NDUFA12: variants seen among roughly 807,000 people sequenced by gnomAD.
The protein encoded by NDUFA12 is NADH dehydrogenase [ubiquinone] 1 alpha subcomplex subunit 12.
Under a neutral mutation model 20.3 loss-of-function variants are expected in NDUFA12, and 17 were observed. The ratio of observed to expected loss-of-function variants is 0.84; its 90% CI spans 0.57 to 1.26. NDUFA12 has a LOEUF of 1.26. Among genes scored for constraint, NDUFA12 ranks in the 50% most tolerant of loss-of-function variants. The probability of loss-of-function intolerance (pLI) is 0.00; values close to 1 mark genes in which losing one functional copy is unlikely to be tolerated. For missense variants in NDUFA12, 191 were observed against 183.7 expected (o/e 1.04, Z -0.23); for synonymous variants, 72 against 63.6 (o/e 1.13, Z -0.63).
chr12:94,990,271 GA>G (rs67946703), intron 3 of NDUFA12, among the ~76,000 whole-genome samples: 50,188 of 146,114 alleles, frequency 0.34, 8,605 homozygotes, highest in East Asian at 0.4. Context: ...ATAGAATGTG[GA>G]AAAAAAAAAA....
At chr12:94,975,385 C>T (rs1874034582) in intron 3 of NDUFA12, among the ~76,000 whole-genome samples, 1 of 152,124 alleles carries the variant, frequency 6.6e-6, no homozygotes, top group African/African-American at 2.4e-5. Flanking sequence ...AGGCAATGCA[C>T]ATTAAGGTAT....
At chr12:94,998,214 A>C (rs769903090) in intron 2 of NDUFA12, among the ~76,000 whole-genome samples, 1 of 152,228 alleles carries the variant, frequency 6.6e-6, no homozygotes, top group Non-Finnish European at 1.5e-5. Context: ...ACATAAATAG[A>C]ATTAAAAATA....
chr12:94,972,736 T>C (rs557191228), intron 3 of NDUFA12, among the ~76,000 whole-genome samples: 199 of 152,226 alleles, frequency 1.3e-3, no homozygotes, highest in African/African-American at 4.7e-3. Flanking sequence ...CACAAATATT[T>C]CAGTCATAAG....
chr12:94,980,673 A>C (rs76835653), intron 3 of NDUFA12, among the ~76,000 whole-genome samples: 11,032 of 152,234 alleles, frequency 0.072, 469 homozygotes, highest in Middle Eastern at 0.18. Context: ...TTTTAATAAG[A>C]AAAATCAATG....
At chr12:94,974,362 T>C (rs1873994395) in intron 3 of NDUFA12, among the ~76,000 whole-genome samples, 1 of 152,106 alleles carries the variant, frequency 6.6e-6, no homozygotes, top group South Asian at 2.1e-4. Flanking sequence ...GCTGGGAGGA[T>C]ACGGAGAAAA....
At chr12:94,980,693 A>C (rs555436551) in intron 3 of NDUFA12, among the ~76,000 whole-genome samples, 11 of 152,276 alleles carry the variant, frequency 7.2e-5, no homozygotes, top group South Asian at 2.1e-4. Context: ...GTACGAGGAG[A>C]GACTGGTGTA....
rs531663218 is a variant in NDUFA12, at chr12:94,984,488, C to T, written c.257+9682G>A. 6.2e-3 allele frequency among the ~76,000 whole-genome samples: 944 copies of T among 151,834 alleles called. 11 individuals are homozygous for T. Among genetic ancestry groups the T allele is most frequent in the African/African-American group, 0.022 (902 of 41,360 alleles). The stretch of plus-strand genomic sequence containing the variant: ...AGGTTGCGGTTGAGCTGAGATTGCG[C>T]CATTGCACTCCAGCCTGGGCAGTAA... On this transcript the variant is annotated intron_variant, in intron 3 of 3. Transcript: ENST00000327772.
intron 3 of NDUFA12, among the ~76,000 whole-genome samples, chr12:94,975,041 C>G (rs1406839579): frequency 6.6e-6 from 1 of 152,086 alleles, no homozygotes; most frequent in Non-Finnish European, 1.5e-5. Flanking sequence ...ACACAAAGGA[C>G]AAATGCTTGA....
chr12:95,001,230 CAGG>C (rs1422387291), intron 2 of NDUFA12, among the ~76,000 whole-genome samples: 1 of 152,114 alleles, frequency 6.6e-6, no homozygotes, highest in Non-Finnish European at 1.5e-5. Context: ...GGCTAGAACC[CAGG>C]AGGTCACGGC....
chr12:94,977,457 C>T (rs1360602839), intron 3 of NDUFA12, among the ~76,000 whole-genome samples: 4 of 135,448 alleles, frequency 3.0e-5, no homozygotes, highest in Non-Finnish European at 6.2e-5. Context: ...GGTGACAGAG[C>T]AAGACCTTGT....
chr12:94,975,186 G>A (rs1874028119), intron 3 of NDUFA12, among the ~76,000 whole-genome samples: 1 of 152,066 alleles, frequency 6.6e-6, no homozygotes, highest in African/African-American at 2.4e-5. Flanking sequence ...AAAAGTGTAT[G>A]TCCTAAAACA....
At chr12:94,979,027 G>A (rs757710163) in intron 3 of NDUFA12, among the ~76,000 whole-genome samples, 4 of 152,128 alleles carry the variant, frequency 2.6e-5, no homozygotes, top group Non-Finnish European at 5.9e-5. Context: ...ATAATAATAA[G>A]CTTTCTTCTA....
chr12:94,988,365 A>T (rs764807290), intron 3 of NDUFA12, among the ~76,000 whole-genome samples: 3 of 152,200 alleles, frequency 2.0e-5, no homozygotes, highest in Admixed American at 6.5e-5. Context: ...TTCAGGAGTG[A>T]TGGGGCATCA....
chr12:94,994,557 C>T (rs1427547313), intron 2 of NDUFA12, among the ~76,000 whole-genome samples: 1 of 152,172 alleles, frequency 6.6e-6, no homozygotes, highest in African/African-American at 2.4e-5. Flanking sequence ...GAGGGAGTAG[C>T]AGACAGGATA....
At chr12:94,971,801 G>A (rs752749584) in intron 3 of NDUFA12, 181 bp from the exon 4 acceptor site, 3 of 785,656 alleles carry the variant, frequency 3.8e-6, no homozygotes, top group African/African-American at 1.7e-5. Context: ...TACTCCTCAG[G>A]GATGGTATAA....
chr12:94,994,030 G>A, intron 3 of NDUFA12, 140 bp downstream of exon 3: 1 of 711,222 alleles, frequency 1.4e-6, no homozygotes, highest in Non-Finnish European at 2.5e-6. Flanking sequence ...AGGCTGATGT[G>A]GGAGGATCAC....
intron 3 of NDUFA12, among the ~76,000 whole-genome samples, chr12:94,985,783 T>G (rs1273807392): frequency 1.3e-5 from 2 of 151,418 alleles, no homozygotes; most frequent in African/African-American, 4.9e-5. Flanking sequence ...AAGAGCTCAC[T>G]TCTACTAAAA....
At chr12:95,001,956 G>A (rs1303970255) in intron 2 of NDUFA12, among the ~76,000 whole-genome samples, 2 of 151,984 alleles carry the variant, frequency 1.3e-5, no homozygotes, top group Non-Finnish European at 2.9e-5. Flanking sequence ...GCCCGCCTCC[G>A]CCTCCCAAAG....
intron 2 of NDUFA12, among the ~76,000 whole-genome samples, 183 bp downstream of exon 2, chr12:95,002,556 T>C (rs1875089133): frequency 6.6e-6 from 1 of 152,126 alleles, no homozygotes; most frequent in Non-Finnish European, 1.5e-5. Context: ...AATGAGCATT[T>C]TTCCATACCT....
Sources: allele counts gnomAD v4.1 joint callset (sites outside exome capture counted in the v4.1 genomes callset), GRCh38; gene constraint gnomAD v4.1.1; transcripts MANE v1.5; gene names NCBI Gene and HGNC (gene_info 2026-07-23, HGNC 2026-07-21).